PLPPR1: variants seen among roughly 807,000 people sequenced by gnomAD.
PLPPR1 encodes the protein phospholipid phosphatase related 1, also known as phospholipid phosphatase-related protein type 1.
In PLPPR1, 10 loss-of-function variants were observed where a neutral mutation model predicts 33.1. The ratio of observed to expected loss-of-function variants is 0.30; its 90% CI spans 0.19 to 0.51. The LOEUF is 0.51. Among genes scored for constraint, PLPPR1 ranks in the 20% least tolerant of loss-of-function variants. The pLI, the probability that PLPPR1 is intolerant of heterozygous loss-of-function variation, is 0.97. For synonymous variants in PLPPR1, 151 were observed against 151.0 expected, an observed-to-expected ratio of 1.00 and a Z score of 0.00; for missense variants, 304 against 408.1, an observed-to-expected ratio of 0.74 and a Z score of 2.20.
At chr9:101,290,978 G>A (rs910262121) in intron 4 of PLPPR1, among the ~76,000 whole-genome samples, 3 of 152,238 alleles carry the variant, frequency 2.0e-5, no homozygotes, top group Non-Finnish European at 2.9e-5. Context: ...AAAGTAGGGC[G>A]AGGCATTGCT....
intron 1 of PLPPR1, among the ~76,000 whole-genome samples, chr9:101,181,837 A>T (rs1826119270): frequency 6.8e-6 from 1 of 147,856 alleles, no homozygotes; most frequent in Admixed American, 7.0e-5. Flanking sequence ...GGTAGTATAT[A>T]TATAGTGTGC....
At chr9:101,231,358 G>C (rs1034958329) in intron 2 of PLPPR1, among the ~76,000 whole-genome samples, 1 of 107,738 alleles carries the variant, frequency 9.3e-6, no homozygotes, top group East Asian at 2.3e-4. Context: ...AAATGAGATC[G>C]TTTGTTTTTT....
At chr9:101,152,580 G>A (rs1426854022) in intron 1 of PLPPR1, among the ~76,000 whole-genome samples, 2 of 152,112 alleles carry the variant, frequency 1.3e-5, no homozygotes, top group African/African-American at 4.8e-5. Flanking sequence ...TTTGTATATG[G>A]TGTAAGGAAG....
At chr9:101,248,408 G>T (rs1337768878) in intron 2 of PLPPR1, among the ~76,000 whole-genome samples, 3 of 152,048 alleles carry the variant, frequency 2.0e-5, no homozygotes, top group East Asian at 1.9e-4. Context: ...TACCGACAAG[G>T]CATGCTCAGG....
chr9:101,268,703 T>C (rs1828043231), intron 2 of PLPPR1, among the ~76,000 whole-genome samples: 1 of 152,222 alleles, frequency 6.6e-6, no homozygotes, highest in Admixed American at 6.5e-5. Context: ...GATTATGATT[T>C]CCCTTTACTG....
intron 1 of PLPPR1, among the ~76,000 whole-genome samples, chr9:101,048,862 A>G (rs2256862): frequency 0.65 from 99,560 of 152,072 alleles, 33,016 homozygotes; most frequent in East Asian, 0.88. Context: ...GGCATAAAAT[A>G]GGTTAATAAA....
intron 1 of PLPPR1, among the ~76,000 whole-genome samples, chr9:101,094,593 A>C (rs1305116534): frequency 6.6e-6 from 1 of 152,198 alleles, no homozygotes; most frequent in Non-Finnish European, 1.5e-5. Flanking sequence ...TAAAACATGC[A>C]GCTATACATT....
chr9:101,302,720 T>G (rs1459129704), intron 4 of PLPPR1, among the ~76,000 whole-genome samples: 1 of 152,116 alleles, frequency 6.6e-6, no homozygotes, highest in East Asian at 1.9e-4. Context: ...TACTTTTCTG[T>G]GTGGGATAAG....
chr9:101,112,365 T>C (rs1213442662), intron 1 of PLPPR1, among the ~76,000 whole-genome samples: 2 of 152,246 alleles, frequency 1.3e-5, no homozygotes, highest in African/African-American at 4.8e-5. Flanking sequence ...AGCATTTAGA[T>C]AAGATTGCTG....
intron 2 of PLPPR1, among the ~76,000 whole-genome samples, chr9:101,269,386 T>C (rs771396123): frequency 6.6e-6 from 1 of 152,228 alleles, no homozygotes; most frequent in Non-Finnish European, 1.5e-5. Context: ...AGCTTTCCTG[T>C]TAATTTCTTC....
intron 1 of PLPPR1, among the ~76,000 whole-genome samples, chr9:101,132,286 C>T (rs982296747): frequency 2.0e-5 from 3 of 152,044 alleles, no homozygotes; most frequent in African/African-American, 7.2e-5. Flanking sequence ...GAGTTTATCC[C>T]TGTAGGAAAG....
At chr9:101,284,194 C>T (rs1828350028) in intron 3 of PLPPR1, among the ~76,000 whole-genome samples, 1 of 151,982 alleles carries the variant, frequency 6.6e-6, no homozygotes, top group African/African-American at 2.4e-5. Context: ...CTGCCATATT[C>T]GTTGCAGCAT....
chr9:101,043,660 A>C (rs1259415716), intron 1 of PLPPR1, among the ~76,000 whole-genome samples: 1 of 152,114 alleles, frequency 6.6e-6, no homozygotes, highest in African/African-American at 2.4e-5. Flanking sequence ...GTAGATACCC[A>C]GTAGTGGGAT....
chr9:101,304,997 A>T (rs1298021606), intron 4 of PLPPR1, among the ~76,000 whole-genome samples: 2 of 151,886 alleles, frequency 1.3e-5, no homozygotes, highest in Admixed American at 6.6e-5. Context: ...GGAAAAAAAA[A>T]GGTAAGAGAG....
At chr9:101,043,449 A>G (rs1216651869) in intron 1 of PLPPR1, among the ~76,000 whole-genome samples, 2 of 151,674 alleles carry the variant, frequency 1.3e-5, no homozygotes, top group African/African-American at 4.8e-5. Flanking sequence ...ATATGCATAC[A>G]CATATATACA....
intron 3 of PLPPR1, among the ~76,000 whole-genome samples, chr9:101,280,134 A>G (rs1228874636): frequency 6.6e-6 from 1 of 152,178 alleles, no homozygotes; most frequent in African/African-American, 2.4e-5. Context: ...AGAAATTAGA[A>G]GGATCCTTAG....
At chr9:101,316,064 A>G (rs538210712) in intron 6 of PLPPR1, among the ~76,000 whole-genome samples, 1 of 152,310 alleles carries the variant, frequency 6.6e-6, no homozygotes, top group African/African-American at 2.4e-5. Flanking sequence ...CCCAATAGCC[A>G]TGCAACCAAT....
intron 1 of PLPPR1, among the ~76,000 whole-genome samples, chr9:101,086,126 TATGTTC>T (rs1830672204): frequency 6.6e-6 from 1 of 152,224 alleles, no homozygotes; most frequent in South Asian, 2.1e-4. Flanking sequence ...ATATGATGAC[TATGTTC>T]ATTTGTCTAC....
At chr9:101,289,680 C>G (rs1455420547) in intron 4 of PLPPR1, among the ~76,000 whole-genome samples, 1 of 152,174 alleles carries the variant, frequency 6.6e-6, no homozygotes, top group Non-Finnish European at 1.5e-5. Context: ...TCTCTCTTTG[C>G]CCACTGCCAT....
Sources: allele counts gnomAD v4.1 joint callset (sites outside exome capture counted in the v4.1 genomes callset), GRCh38; gene constraint gnomAD v4.1.1; transcripts MANE v1.5; gene names NCBI Gene and HGNC (gene_info 2026-07-23, HGNC 2026-07-21).